The following NLGN1 variants were observed in gnomAD, a reference collection of about 807,000 sequenced individuals.
NLGN1 encodes the protein neuroligin 1, also known as neuroligin-1.
Under a neutral mutation model 65.5 loss-of-function variants are expected in NLGN1, and 12 were observed. That is an observed-to-expected ratio of 0.18 (90% CI 0.12 to 0.30). The LOEUF (loss-of-function observed/expected upper bound fraction) is 0.30. NLGN1 is among the 10% of genes least tolerant of loss of function. The pLI is 1.00. For synonymous variants in NLGN1, 350 were observed against 359.5 expected (o/e 0.97, Z 0.30); for missense variants, 750 against 1,007.1 (o/e 0.74, Z 3.46).
At chr3:173,972,080 C>T (rs901615221) in intron 4 of NLGN1, among the ~76,000 whole-genome samples, 2 of 152,054 alleles carry the variant, frequency 1.3e-5, no homozygotes, top group African/African-American at 4.8e-5. Context: ...CAGTTTTAAG[C>T]ATATAACAGG....
intron 4 of NLGN1, among the ~76,000 whole-genome samples, chr3:173,831,492 T>G (rs1004158577): frequency 4.6e-5 from 7 of 152,192 alleles, no homozygotes; most frequent in Non-Finnish European, 7.3e-5. Context: ...TGACAAACAC[T>G]GGTGCATTGT....
intron 4 of NLGN1, among the ~76,000 whole-genome samples, chr3:173,815,252 C>T (rs567992306): frequency 5.9e-5 from 9 of 151,822 alleles, no homozygotes; most frequent in Admixed American, 2.6e-4. Flanking sequence ...GTACTACAGG[C>T]GCCTGCCACC....
intron 4 of NLGN1, among the ~76,000 whole-genome samples, chr3:174,183,175 T>C (rs1730761486): frequency 6.6e-6 from 1 of 152,084 alleles, no homozygotes; most frequent in South Asian, 2.1e-4. Context: ...CATTGTCTAC[T>C]AGGCAACAGT....
At chr3:173,473,002 A>G (rs1335886726) in intron 2 of NLGN1, among the ~76,000 whole-genome samples, 1 of 152,172 alleles carries the variant, frequency 6.6e-6, no homozygotes, top group South Asian at 2.1e-4. Flanking sequence ...TATTTATTTC[A>G]CAAAAGATAA....
chr3:173,922,773 A>G (rs908822881), intron 4 of NLGN1, among the ~76,000 whole-genome samples: 9 of 152,090 alleles, frequency 5.9e-5, no homozygotes, highest in African/African-American at 1.7e-4. Flanking sequence ...AATTTCCCCA[A>G]CTGATAGAAT....
At chr3:173,501,711 T>TC (rs1445209357) in intron 2 of NLGN1, among the ~76,000 whole-genome samples, 2 of 151,160 alleles carry the variant, frequency 1.3e-5, no homozygotes, top group African/African-American at 4.8e-5. Context: ...CGTATAGAAT[T>TC]TCTATACATA....
At chr3:173,675,457 C>G (rs867418581) in intron 3 of NLGN1, among the ~76,000 whole-genome samples, 77 of 149,062 alleles carry the variant, frequency 5.2e-4, no homozygotes, top group African/African-American at 1.9e-3. Flanking sequence ...AACAAACAAA[C>G]AAAGAAAGCT....
At chr3:173,694,750 C>T (rs916754245) in intron 3 of NLGN1, among the ~76,000 whole-genome samples, 4 of 152,070 alleles carry the variant, frequency 2.6e-5, no homozygotes, top group Non-Finnish European at 5.9e-5. Flanking sequence ...ATGCAATGGT[C>T]CTGATTGGAA....
At chr3:174,081,886 T>C (rs1390719352) in intron 4 of NLGN1, among the ~76,000 whole-genome samples, 2 of 152,110 alleles carry the variant, frequency 1.3e-5, no homozygotes, top group Admixed American at 1.3e-4. Flanking sequence ...TTTCAACATA[T>C]GAATTTGAGG....
chr3:174,203,795 A>G (rs1734934124), intron 4 of NLGN1, among the ~76,000 whole-genome samples: 1 of 152,322 alleles, frequency 6.6e-6, no homozygotes, highest in African/African-American at 2.4e-5. Context: ...GATTTGAATG[A>G]TATAGCTGTG....
intron 2 of NLGN1, among the ~76,000 whole-genome samples, chr3:173,534,558 A>G (rs1737135668): frequency 6.6e-6 from 1 of 152,172 alleles, no homozygotes; most frequent in African/African-American, 2.4e-5. Context: ...TACAAGAATT[A>G]TTGCTCTCTA....
At chr3:174,226,225 C>T (rs1739665872) in intron 4 of NLGN1, among the ~76,000 whole-genome samples, 1 of 152,056 alleles carries the variant, frequency 6.6e-6, no homozygotes, top group African/African-American at 2.4e-5. Context: ...CAAAAAAGTA[C>T]ATGGTTTCTA....
intron 4 of NLGN1, among the ~76,000 whole-genome samples, chr3:173,977,691 A>G (rs975887227): frequency 1.3e-5 from 2 of 152,030 alleles, no homozygotes; most frequent in Non-Finnish European, 2.9e-5. Flanking sequence ...GAGTGAGGGA[A>G]GGAAAATCGT....
intron 3 of NLGN1, among the ~76,000 whole-genome samples, chr3:173,622,209 G>A (rs1046227487): frequency 2.6e-5 from 4 of 152,086 alleles, no homozygotes; most frequent in Admixed American, 1.3e-4. Context: ...CCAAGATTGA[G>A]GAATGTATAC....
chr3:174,080,205 C>T (rs1023133736), intron 4 of NLGN1, among the ~76,000 whole-genome samples: 1 of 152,136 alleles, frequency 6.6e-6, no homozygotes, highest in Non-Finnish European at 1.5e-5. Context: ...AATGCTCAAT[C>T]ATAACATAGA....
At chr3:173,554,735 TTTCTC>T (rs1288389378) in intron 2 of NLGN1, among the ~76,000 whole-genome samples, 4 of 152,242 alleles carry the variant, frequency 2.6e-5, no homozygotes, top group African/African-American at 9.6e-5. Flanking sequence ...GAATTTTTAA[TTTCTC>T]TTCCATAACC....
At chr3:173,827,908 C>G (rs1466049672) in intron 4 of NLGN1, among the ~76,000 whole-genome samples, 1 of 151,952 alleles carries the variant, frequency 6.6e-6, no homozygotes, top group East Asian at 1.9e-4. Flanking sequence ...CTGGATGACA[C>G]CTGCCCACAT....
intron 3 of NLGN1, among the ~76,000 whole-genome samples, chr3:173,671,502 T>C (rs569361284): frequency 6.6e-6 from 1 of 152,280 alleles, no homozygotes; most frequent in South Asian, 2.1e-4. Flanking sequence ...CATTTTACCT[T>C]AACATGGTTA....
intron 4 of NLGN1, among the ~76,000 whole-genome samples, chr3:174,197,700 A>G (rs1733722313): frequency 6.6e-6 from 1 of 150,760 alleles, no homozygotes; most frequent in African/African-American, 2.4e-5. Flanking sequence ...CGGGCAGTCA[A>G]AAACCCACAG....
Sources: allele counts gnomAD v4.1 joint callset (sites outside exome capture counted in the v4.1 genomes callset), GRCh38; gene constraint gnomAD v4.1.1; transcripts MANE v1.5; gene names NCBI Gene and HGNC (gene_info 2026-07-23, HGNC 2026-07-21).